FBLN2: variants seen among roughly 807,000 people sequenced by gnomAD.
FBLN2 encodes fibulin-2.
In FBLN2, 81 loss-of-function variants were observed where a neutral mutation model predicts 123.7. The observed-to-expected ratio is 0.65, with a 90% confidence interval of 0.55 to 0.79. FBLN2 has a LOEUF of 0.79. FBLN2 is among the 30% of genes least tolerant of loss of function. The pLI is 0.00. For missense variants in FBLN2, 1,603 were observed against 1,681.3 expected (o/e 0.95, Z 0.81); for synonymous variants, 699 against 701.4 (o/e 1.00, Z 0.05).
chr3:13,600,614 C>T (rs1186676299), intron 2 of FBLN2, among the ~76,000 whole-genome samples: 4 of 124,830 alleles, frequency 3.2e-5, no homozygotes, highest in Non-Finnish European at 6.4e-5. Flanking sequence ...TAATTTTGTA[C>T]ACTTTTTTTT....
chr3:13,578,603 CATT>C (rs1209346176), intron 2 of FBLN2, among the ~76,000 whole-genome samples: 1 of 152,182 alleles, frequency 6.6e-6, no homozygotes, highest in Non-Finnish European at 1.5e-5. Context: ...TGTTGATGGA[CATT>C]ATTCTTCCAG....
chr3:13,558,829 C>T (rs1478099408), intron 1 of FBLN2, among the ~76,000 whole-genome samples: 11 of 141,164 alleles, frequency 7.8e-5, no homozygotes, highest in African/African-American at 1.3e-4. Context: ...ACCCATTCAT[C>T]CATCTACCTA....
At chr3:13,625,719 C>T (rs370909062) in intron 9 of FBLN2, among the ~76,000 whole-genome samples, 4 of 151,948 alleles carry the variant, frequency 2.6e-5, no homozygotes, top group Admixed American at 1.3e-4. Flanking sequence ...GAAGGTAGTC[C>T]GAGCCACTGA....
intron 1 of FBLN2, among the ~76,000 whole-genome samples, chr3:13,558,692 T>A (rs1309361834): frequency 7.0e-4 from 5 of 7,192 alleles, no homozygotes; most frequent in Admixed American, 6.9e-3. Flanking sequence ...CACCCACCCA[T>A]CTGTTCACTT....
chr3:13,631,258 C>G (rs779564798), intron 15 of FBLN2, 71 bp from the exon 16 acceptor site: 2 of 1,545,228 alleles, frequency 1.3e-6, no homozygotes, highest in East Asian at 4.7e-5. Context: ...GTGACAGGGA[C>G]AGGCTGACTG....
chr3:13,636,808 CAT>C (rs1318623788), intron 17 of FBLN2, among the ~76,000 whole-genome samples: 19 of 152,256 alleles, frequency 1.2e-4, no homozygotes, highest in African/African-American at 3.9e-4. Context: ...CATACACACA[CAT>C]GGTAGTTACT....
intron 1 of FBLN2, among the ~76,000 whole-genome samples, chr3:13,551,813 T>A (rs1455965531): frequency 6.6e-6 from 1 of 151,320 alleles, no homozygotes; most frequent in Non-Finnish European, 1.5e-5. Context: ...GTGCTGGGAT[T>A]ACAGGTGTGA....
At chr3:13,553,538 C>A (rs957458041) in intron 1 of FBLN2, among the ~76,000 whole-genome samples, 4 of 152,352 alleles carry the variant, frequency 2.6e-5, no homozygotes, top group African/African-American at 9.6e-5. Flanking sequence ...TGGGCACGTC[C>A]TTTCCCAGGG....
At chr3:13,561,541 T>C (rs368195429) in intron 1 of FBLN2, among the ~76,000 whole-genome samples, 3 of 152,218 alleles carry the variant, frequency 2.0e-5, no homozygotes, top group African/African-American at 7.2e-5. Context: ...TCAGGGCTTT[T>C]GCACATACTG....
Position 13,570,521 on chromosome 3 carries a change from G to A in FBLN2, c.166G>A (p.Ala56Thr), listed in dbSNP as rs959184747. 2 of 1,590,320 alleles carry A rather than the reference G, an allele frequency of 1.3e-6. No individual in the cohort carries two copies. Among genetic ancestry groups the A allele is most frequent in the African/African-American group, 2.7e-5 (2 of 74,532 alleles). ...GGCGCTGGAGCCGGGTGCCTGCTGT[G>A]CCACGTGTGTGCAGCAGGGCTGCGC... ...EEALEPGACC[A>T]TCVQQGCACE... Residue 56 changes from alanine (A) to threonine (T), a missense_variant, in exon 2 of 18, where the codon GCC (alanine) becomes ACC (threonine). Transcript: ENST00000404922.
Position 13,570,429 on chromosome 3 carries a change from C to A in FBLN2, c.74C>A (p.Ala25Asp). The A allele has an allele frequency of 6.4e-7, 1 of 1,573,038 alleles. No individual in the cohort carries two copies. Among genetic ancestry groups the A allele is most frequent in the South Asian group, 1.2e-5 (1 of 85,798 alleles). Reference sequence around the variant, plus strand: ...GCCCTGGCCCTGGGCCCCAGCGTGGCCGCAGCTGCCCCTCGGCAGGACTGC... The same window carrying A: ...GCCCTGGCCCTGGGCCCCAGCGTGGACGCAGCTGCCCCTCGGCAGGACTGC... ...GLALALGPSV[A>D]AAAPRQDCTG... Residue 25 changes from alanine to aspartate, a missense_variant, in exon 2 of 18, where the codon GCC becomes GAC. Physicochemically the swap from Ala to Asp is moderately radical, Grantham distance 126. Transcript: ENST00000404922.
chr3:13,583,272 G>A (rs1024979828), intron 2 of FBLN2, among the ~76,000 whole-genome samples: 3 of 152,254 alleles, frequency 2.0e-5, no homozygotes, highest in African/African-American at 2.4e-5. Context: ...CACTGGACGC[G>A]TATCAGTCCA....
At chr3:13,598,737 A>G (rs1704929005) in intron 2 of FBLN2, among the ~76,000 whole-genome samples, 1 of 152,130 alleles carries the variant, frequency 6.6e-6, no homozygotes. Flanking sequence ...AGACCCTGAA[A>G]TGATTAGGCT....
intron 9 of FBLN2, among the ~76,000 whole-genome samples, chr3:13,624,315 G>C (rs1428049712): frequency 6.6e-6 from 1 of 152,216 alleles, no homozygotes. Flanking sequence ...ACCCTGGTGA[G>C]CCTCCGCTCA....
intron 3 of FBLN2, among the ~76,000 whole-genome samples, chr3:13,609,039 T>G (rs1705299493): frequency 6.6e-6 from 1 of 152,242 alleles, no homozygotes; most frequent in African/African-American, 2.4e-5. Flanking sequence ...CGTGTCCCAC[T>G]TCAGGGGGTG....
chr3:13,549,476 G>A (rs1703264944), intron 1 of FBLN2, among the ~76,000 whole-genome samples: 1 of 151,824 alleles, frequency 6.6e-6, no homozygotes, highest in African/African-American at 2.4e-5. Context: ...TCCGCGGGCG[G>A]GTTCCCCCAC....
At chr3:13,555,202 T>C (rs1385288785) in intron 1 of FBLN2, among the ~76,000 whole-genome samples, 1 of 152,122 alleles carries the variant, frequency 6.6e-6, no homozygotes, top group East Asian at 1.9e-4. Flanking sequence ...TCCACCTGTC[T>C]TGGCCTCCCA....
chr3:13,590,357 A>C (rs973196443), intron 2 of FBLN2, among the ~76,000 whole-genome samples: 2 of 151,678 alleles, frequency 1.3e-5, no homozygotes, highest in Non-Finnish European at 2.9e-5. Flanking sequence ...ACAGAGTCTC[A>C]CTCTGTTGCC....
At chr3:13,549,641 AAAG>A (rs929100469) in intron 1 of FBLN2, among the ~76,000 whole-genome samples, 2 of 131,338 alleles carry the variant, frequency 1.5e-5, no homozygotes, top group African/African-American at 5.8e-5. Context: ...CCCCTCGGGG[AAAG>A]AAGACTAGAG....
Sources: allele counts gnomAD v4.1 joint callset (sites outside exome capture counted in the v4.1 genomes callset), GRCh38; gene constraint gnomAD v4.1.1; transcripts MANE v1.5; gene names NCBI Gene and HGNC (gene_info 2026-07-23, HGNC 2026-07-21).